The following AGBL1 variants were observed in gnomAD, a reference collection of about 807,000 sequenced individuals.
AGBL1 encodes the protein cytosolic carboxypeptidase 4.
AGBL1 carries 130 observed loss-of-function variants against 118.9 expected under a neutral mutation model. That is an observed-to-expected ratio of 1.09 (90% confidence interval 0.95 to 1.26). The LOEUF (loss-of-function observed/expected upper bound fraction) is 1.26. AGBL1 is among the 50% of genes most tolerant of loss of function. The probability of loss-of-function intolerance (pLI) is 0.00; values close to 1 mark genes in which losing one functional copy is unlikely to be tolerated. For synonymous variants in AGBL1, 555 were observed against 478.9 expected (o/e 1.16, Z -2.08); for missense variants, 1,584 against 1,298.1 (o/e 1.22, Z -3.38).
intron 5 of AGBL1, among the ~76,000 whole-genome samples, chr15:86,171,872 A>G (rs2077420765): frequency 6.6e-6 from 1 of 152,224 alleles, no homozygotes; most frequent in Non-Finnish European, 1.5e-5. Flanking sequence ...AAAAAGAAAC[A>G]AAATAGTGGC....
chr15:86,763,411 A>G (rs939615458), intron 22 of AGBL1, among the ~76,000 whole-genome samples: 2 of 152,004 alleles, frequency 1.3e-5, no homozygotes, highest in African/African-American at 4.8e-5. Context: ...ATTTGTTCTC[A>G]ACAAATTAGG....
rs76491619 is a variant in AGBL1 at position 86,461,486 on chromosome 15, G to T, written c.2556-61324G>T. Among the ~76,000 whole-genome samples, 416 of 152,142 alleles carry T rather than the reference G, an allele frequency of 2.7e-3. 2 individuals are homozygous for T. The highest frequency in any genetic ancestry group is 9.4e-3 in the African/African-American group (391 of 41,532). On this transcript the variant is annotated intron_variant, in intron 18 of 22. Transcript: ENST00000614907. ...TATTTATATAGCGCTTATCTCCCTAGAGCACACATACCATGCAGATATGTT... is the reference window on the plus strand; with the variant it reads ...TATTTATATAGCGCTTATCTCCCTATAGCACACATACCATGCAGATATGTT...
intron 18 of AGBL1, among the ~76,000 whole-genome samples, chr15:86,403,185 T>C (rs1047410409): frequency 6.6e-6 from 1 of 152,158 alleles, no homozygotes; most frequent in Admixed American, 6.6e-5. Flanking sequence ...AAGTCAAGCA[T>C]GATTCCCAAT....
At chr15:86,720,362 T>C (rs1007268168) in intron 22 of AGBL1, among the ~76,000 whole-genome samples, 1 of 152,254 alleles carries the variant, frequency 6.6e-6, no homozygotes, top group East Asian at 1.9e-4. Flanking sequence ...GTTTACTTTC[T>C]GTCATTCCTA....
chr15:86,857,429 A>G (rs2079498872), intron 22 of AGBL1, among the ~76,000 whole-genome samples: 1 of 152,120 alleles, frequency 6.6e-6, no homozygotes, highest in South Asian at 2.1e-4. Flanking sequence ...TGCTCCAGCC[A>G]TGTGGCCTTC....
At chr15:86,630,280 A>G (rs72762033) in intron 21 of AGBL1, 17,608 of 152,230 alleles carry the variant, frequency 0.12, 1,167 homozygotes, top group East Asian at 0.15. Context: ...GGTGGCCCCA[A>G]CACTGACAAA....
intron 22 of AGBL1, among the ~76,000 whole-genome samples, chr15:86,868,252 C>G (rs781482605): frequency 3.9e-5 from 6 of 152,148 alleles, no homozygotes; most frequent in Non-Finnish European, 7.3e-5. Context: ...TAATGGGTCA[C>G]AAGAAAAGCT....
chr15:86,583,744 A>G (rs1305887595), intron 21 of AGBL1, among the ~76,000 whole-genome samples: 1 of 152,122 alleles, frequency 6.6e-6, no homozygotes, highest in Non-Finnish European at 1.5e-5. Flanking sequence ...GTTCTGTTCT[A>G]AGTTCTTTGA....
intron 21 of AGBL1, among the ~76,000 whole-genome samples, chr15:86,626,516 G>A (rs1596318305): frequency 2.0e-5 from 3 of 152,180 alleles, no homozygotes; most frequent in Admixed American, 1.3e-4. Context: ...TGCAAGGTGG[G>A]AGGAGGGAGA....
At chr15:86,773,195 T>C (rs2078206233) in intron 22 of AGBL1, among the ~76,000 whole-genome samples, 1 of 152,048 alleles carries the variant, frequency 6.6e-6, no homozygotes, top group Admixed American at 6.6e-5. Flanking sequence ...GGTTCTTGGC[T>C]TTGAGAAACG....
intron 21 of AGBL1, among the ~76,000 whole-genome samples, chr15:86,673,581 C>T (rs1305921827): frequency 6.6e-6 from 1 of 152,144 alleles, no homozygotes; most frequent in Admixed American, 6.5e-5. Context: ...CAATCTCTAC[C>T]TCACAGGGCT....
At chr15:86,441,660 C>A (rs555820058) in intron 18 of AGBL1, among the ~76,000 whole-genome samples, 1 of 152,326 alleles carries the variant, frequency 6.6e-6, no homozygotes, top group South Asian at 2.1e-4. Flanking sequence ...GGCATTGTAT[C>A]CCCGTTATTG....
At chr15:86,997,867 A>G (rs1419000172) in intron 24 of AGBL1, among the ~76,000 whole-genome samples, 2 of 150,544 alleles carry the variant, frequency 1.3e-5, no homozygotes, top group Non-Finnish European at 2.9e-5. Flanking sequence ...TAAAAACACA[A>G]TATATTGGCC....
intron 18 of AGBL1, among the ~76,000 whole-genome samples, chr15:86,407,790 C>G (rs2081551259): frequency 6.6e-6 from 1 of 152,168 alleles, no homozygotes; most frequent in African/African-American, 2.4e-5. Flanking sequence ...AGCATGGGGT[C>G]TGTGGATCCT....
intron 18 of AGBL1, among the ~76,000 whole-genome samples, chr15:86,442,643 G>T (rs534193078): frequency 2.6e-4 from 40 of 152,204 alleles, no homozygotes; most frequent in African/African-American, 8.2e-4. Context: ...ATTAACTTTG[G>T]GAAAGAACTA....
chr15:86,943,873 G>T (rs1314178850), intron 23 of AGBL1, among the ~76,000 whole-genome samples: 1 of 152,092 alleles, frequency 6.6e-6, no homozygotes, highest in East Asian at 1.9e-4. Context: ...TTTCCTTCTA[G>T]CTCCTGTATC....
intron 22 of AGBL1, among the ~76,000 whole-genome samples, chr15:86,840,400 T>G (rs1024195288): frequency 6.6e-6 from 1 of 152,212 alleles, no homozygotes; most frequent in East Asian, 1.9e-4. Flanking sequence ...TCCCAAAAGA[T>G]GCAACCCAGG....
At position 86,407,761 on chromosome 15, in the gene AGBL1, A is replaced by G. The variant is rs1425963862; in HGVS notation, c.2555+10215A>G. On this transcript the variant is annotated intron_variant, in intron 18 of 22. Coordinates refer to ENST00000614907, the MANE Select transcript of AGBL1 (RefSeq NM_001386094.1). ...CTTGTTTTATGTCTGGGCATTCTCC[A>G]ACAGGCTAAGGTTTAATAAGCATGG... Among the ~76,000 whole-genome samples the G allele has an allele frequency of 2.0e-5, 3 of 152,298 alleles. No individual in the cohort carries two copies. The East Asian group carries it at 5.8e-4, about 29-fold the overall frequency.
At chr15:86,719,458 T>C (rs566673054) in intron 22 of AGBL1, among the ~76,000 whole-genome samples, 2 of 152,284 alleles carry the variant, frequency 1.3e-5, no homozygotes, top group South Asian at 4.1e-4. Flanking sequence ...ATAGTGAAGG[T>C]TGAAATCTTC....
Sources: allele counts gnomAD v4.1 joint callset (sites outside exome capture counted in the v4.1 genomes callset), GRCh38; gene constraint gnomAD v4.1.1; transcripts MANE v1.5; gene names NCBI Gene and HGNC (gene_info 2026-07-23, HGNC 2026-07-21).